Variants in IMMP2L observed in about 807,000 individuals in gnomAD.
IMMP2L encodes inner mitochondrial membrane peptidase subunit 2.
In IMMP2L, 18 loss-of-function variants were observed where a neutral mutation model predicts 19.3. That is an observed-to-expected ratio of 0.93 (90% CI 0.64 to 1.38). The LOEUF (loss-of-function observed/expected upper bound fraction) is 1.38, where lower values mean the gene tolerates loss of function less well. Among genes scored for constraint, IMMP2L ranks in the 40% most tolerant of loss-of-function variants. The pLI is 0.00. For missense variants in IMMP2L, 233 were observed against 218.2 expected (o/e 1.07, Z -0.43); for synonymous variants, 76 against 73.0 (o/e 1.04, Z -0.21).
chr7:111,001,120 G>T (rs998673836), intron 3 of IMMP2L, among the ~76,000 whole-genome samples: 2 of 152,138 alleles, frequency 1.3e-5, no homozygotes, highest in African/African-American at 2.4e-5. Flanking sequence ...GTAAACCTCT[G>T]CATGTAGAAT....
At chr7:110,843,444 G>A (rs1805311642) in intron 5 of IMMP2L, among the ~76,000 whole-genome samples, 1 of 151,966 alleles carries the variant, frequency 6.6e-6, no homozygotes, top group South Asian at 2.1e-4. Flanking sequence ...ATAAACATGG[G>A]GCATTGGAGT....
At chr7:111,450,688 C>A (rs1839053790) in intron 3 of IMMP2L, among the ~76,000 whole-genome samples, 2 of 150,630 alleles carry the variant, frequency 1.3e-5, no homozygotes, top group South Asian at 4.2e-4. Context: ...GCAATGGCAA[C>A]CAAAGCCAAA....
rs182865794 is a variant in IMMP2L, at chr7:110,760,839, C to A, written c.409-97118G>T. Among the ~76,000 whole-genome samples, 202 of 152,116 alleles carry A rather than the reference C, an allele frequency of 1.3e-3. 1 individual carries two copies. The highest frequency in any genetic ancestry group is 8.5e-4 in the Non-Finnish European group (58 of 67,990). ...CGCCAGATAGGATCATCACAGTAGGCACCTCACAAAGGTCATGCAGACCTT... is the reference window on the plus strand; with the variant it reads ...CGCCAGATAGGATCATCACAGTAGGAACCTCACAAAGGTCATGCAGACCTT... On this transcript the variant is annotated intron_variant, in intron 5 of 5. Transcript: ENST00000405709. This position sits in a 1 kb window ranked among gnomAD's most constrained non-coding sequence, Gnocchi z 4.2.
chr7:110,885,167 A>G (rs1001951535), intron 5 of IMMP2L, among the ~76,000 whole-genome samples: 1 of 151,596 alleles, frequency 6.6e-6, no homozygotes, highest in Non-Finnish European at 1.5e-5. Flanking sequence ...GAAGTATTTC[A>G]AATTTTGGAT....
chr7:111,161,312 A>G (rs1247980618), intron 3 of IMMP2L, among the ~76,000 whole-genome samples: 1 of 151,960 alleles, frequency 6.6e-6, no homozygotes, highest in Non-Finnish European at 1.5e-5. Context: ...CCTCTTACTC[A>G]TGTATGTATA....
chr7:110,853,758 A>C (rs981465091), intron 5 of IMMP2L, among the ~76,000 whole-genome samples: 10 of 152,054 alleles, frequency 6.6e-5, no homozygotes, highest in Non-Finnish European at 1.3e-4. Flanking sequence ...ACAATTGTTA[A>C]AGATAAATGG....
At chr7:110,735,680 A>ATATATATATATATATATAG in intron 5 of IMMP2L, among the ~76,000 whole-genome samples, 1 of 61,300 alleles carries the variant, frequency 1.6e-5, no homozygotes, top group African/African-American at 5.2e-5. Context: ...TAGTAGACAA[A>ATATATATATATATATATAG]TACACACACA....
intron 1 of IMMP2L, among the ~76,000 whole-genome samples, chr7:111,545,196 C>T (rs1463434128): frequency 6.6e-6 from 1 of 152,038 alleles, no homozygotes; most frequent in Non-Finnish European, 1.5e-5. Flanking sequence ...CCCATAGATG[C>T]TTCCAAAAAA....
At chr7:111,236,302 T>C (rs1814307029) in intron 3 of IMMP2L, among the ~76,000 whole-genome samples, 1 of 152,112 alleles carries the variant, frequency 6.6e-6, no homozygotes, top group African/African-American at 2.4e-5. Flanking sequence ...TGAGCTTTGT[T>C]TGAGAAAACA....
intron 5 of IMMP2L, among the ~76,000 whole-genome samples, chr7:110,825,653 G>C: frequency 6.6e-6 from 1 of 152,086 alleles, no homozygotes; most frequent in Non-Finnish European, 1.5e-5. Flanking sequence ...GCTGAAACTG[G>C]ATCCCTTCCT....
intron 3 of IMMP2L, among the ~76,000 whole-genome samples, chr7:111,341,723 T>C (rs1452631388): frequency 6.6e-6 from 1 of 152,192 alleles, no homozygotes; most frequent in Non-Finnish European, 1.5e-5. Flanking sequence ...AATATTGCTA[T>C]GGTCTGAACG....
chr7:111,039,034 T>A (rs1791624388), intron 3 of IMMP2L, among the ~76,000 whole-genome samples: 1 of 151,934 alleles, frequency 6.6e-6, no homozygotes, highest in Middle Eastern at 3.2e-3. Context: ...GGAACAGGGG[T>A]CATTTCTTTT....
intron 5 of IMMP2L, among the ~76,000 whole-genome samples, chr7:110,838,053 CT>C (rs1309106918): frequency 1.3e-5 from 2 of 152,032 alleles, no homozygotes; most frequent in African/African-American, 4.8e-5. Flanking sequence ...CAGCAAAGGC[CT>C]TGGATTAAGA....
chr7:111,399,465 G>A (rs549693480), intron 3 of IMMP2L, among the ~76,000 whole-genome samples: 1 of 152,026 alleles, frequency 6.6e-6, no homozygotes, highest in Non-Finnish European at 1.5e-5. Flanking sequence ...AGATTCAAGT[G>A]TGCTTCAGCC....
intron 3 of IMMP2L, chr7:111,124,948 GA>G (rs1490751598): frequency 8.5e-7 from 1 of 1,171,954 alleles, no homozygotes; most frequent in Non-Finnish European, 1.2e-6. Flanking sequence ...AAAAAAAAGC[GA>G]AAGACTGCAG....
At chr7:111,391,833 C>T (rs1832381550) in intron 3 of IMMP2L, 2 of 702,036 alleles carry the variant, frequency 2.8e-6, no homozygotes, top group Non-Finnish European at 5.2e-6. Context: ...ACAACACGAC[C>T]ATACCTCTCT....
intron 5 of IMMP2L, among the ~76,000 whole-genome samples, chr7:110,827,413 C>T (rs1449832610): frequency 6.6e-6 from 1 of 152,162 alleles, no homozygotes; most frequent in Non-Finnish European, 1.5e-5. Context: ...GCTTTGCCCT[C>T]TGGGATTATA....
intron 3 of IMMP2L, among the ~76,000 whole-genome samples, chr7:110,994,131 CTCTT>C (rs1234669323): frequency 7.1e-6 from 1 of 141,528 alleles, no homozygotes; most frequent in Admixed American, 6.9e-5. Flanking sequence ...ATTACTCTCT[CTCTT>C]TTTTTTTTCT....
At chr7:111,522,934 T>A (rs1032313801) in intron 1 of IMMP2L, among the ~76,000 whole-genome samples, 1 of 150,324 alleles carries the variant, frequency 6.7e-6, no homozygotes. Flanking sequence ...TACATATATA[T>A]ATATTATTTC....
Sources: gnomAD v4.1 joint callset for allele counts (sites outside exome capture counted in the v4.1 genomes callset) on GRCh38, gnomAD v4.1.1 for gene constraint, Gnocchi (gnomAD v3.1) non-coding constraint, MANE v1.5 for transcripts, NCBI Gene and HGNC (gene_info 2026-07-23, HGNC 2026-07-21) for gene names.